DNAJC5: variants seen among roughly 807,000 people sequenced by gnomAD.
The protein encoded by DNAJC5 is dnaJ homolog subfamily C member 5.
Under a neutral mutation model 23.2 loss-of-function variants are expected in DNAJC5, and 1 was observed. The ratio of observed to expected loss-of-function variants is 0.04; its 90% confidence interval spans 0.02 to 0.20. The LOEUF (loss-of-function observed/expected upper bound fraction) is 0.20. Ranked by LOEUF, DNAJC5 falls within the 10% of genes least tolerant of loss-of-function variation. The pLI, the probability that DNAJC5 is intolerant of heterozygous loss-of-function variation, is 1.00. For synonymous variants in DNAJC5, 136 were observed against 120.0 expected, an observed-to-expected ratio of 1.13 and a Z score of -0.87; for missense variants, 180 against 267.0, an observed-to-expected ratio of 0.67 and a Z score of 2.27.
At position 63,929,603 on chromosome 20, in the gene DNAJC5, G is replaced by C. The variant is rs1180088235; in HGVS notation, c.321+78G>C. 13 of 1,468,610 alleles carry C rather than the reference G, an allele frequency of 8.9e-6. No individual in the cohort carries two copies. The highest frequency in any genetic ancestry group is 1.9e-6 in the Non-Finnish European group (2 of 1,070,534). The allele number at this position is 1,468,610 out of a possible 1,614,324, so 91.0% of individuals were successfully genotyped here. A position where few individuals can be genotyped will look rare whatever the true frequency, so the allele number is the denominator to read the frequency against. On this transcript the variant is annotated intron_variant, in intron 3 of 4. Coordinates refer to ENST00000360864, the MANE Select transcript of DNAJC5 (RefSeq NM_025219.3). This position sits in a 1 kb window ranked among gnomAD's most constrained non-coding sequence, Gnocchi z 8.6. ...GCACCCGAGTCTCTCCTGCCGTGCG[G>C]GCACCCGAGTCACTCCTGCCGTGCG...
In DNAJC5 at chr20:63,929,017, G is replaced by A. The variant is rs1600885162; in HGVS notation, c.108-295G>A. On this transcript the variant is annotated intron_variant, in intron 2 of 4. Coordinates refer to ENST00000360864, the MANE Select transcript of DNAJC5 (RefSeq NM_025219.3). The surrounding 1 kb of genome is among the most constrained non-coding windows in gnomAD (Gnocchi z 8.6). ...TTCACTTGGCACTTGTGCAGTTAGC[G>A]GCTGGGACACCAGGGCTGGCCTTGG... Among the ~76,000 whole-genome samples, 2 of 152,224 alleles carry A rather than the reference G, an allele frequency of 1.3e-5. No individual in the cohort carries two copies. The highest frequency in any genetic ancestry group is 4.8e-5 in the African/African-American group (2 of 41,452).
At chr20:63,898,773 A>G (rs989824488) in intron 1 of DNAJC5, among the ~76,000 whole-genome samples, 3 of 152,152 alleles carry the variant, frequency 2.0e-5, no homozygotes, top group Admixed American at 6.5e-5. Context: ...CCCGGGAGGC[A>G]GAGGTTGCAG....
At chr20:63,926,356 TTTG>T (rs1404725086) in intron 1 of DNAJC5, among the ~76,000 whole-genome samples, 1 of 152,236 alleles carries the variant, frequency 6.6e-6, no homozygotes, top group Admixed American at 6.5e-5. Flanking sequence ...CTCTTTTGGC[TTTG>T]TTGAAGTTAT....
intron 1 of DNAJC5, among the ~76,000 whole-genome samples, chr20:63,914,417 C>T (rs1198384321): frequency 1.3e-5 from 2 of 151,716 alleles, no homozygotes; most frequent in South Asian, 2.1e-4. Flanking sequence ...TGGGTTCACG[C>T]GATTCTCCCG....
rs1173002610 is a variant in DNAJC5 at position 63,932,533 on chromosome 20, CAG to C, written c.*970_*971del. On this transcript the variant is annotated 3_prime_UTR_variant, in exon 5 of 5. Transcript: ENST00000360864. The surrounding 1 kb of genome is among the most constrained non-coding windows in gnomAD (Gnocchi z 4.4). ...TAGGACCAGCCCAATGAGCCACAGT[CAG>C]AGAGTAGATTGTGCATGTGTGAGCA... 2.0e-5 allele frequency: 3 copies of C among 152,662 alleles called. No homozygotes were observed. The highest frequency in any genetic ancestry group is 4.1e-4 in the South Asian group (2 of 4,826). The allele number at this position is 152,662 out of a possible 1,614,324, so 9.5% of individuals were successfully genotyped here. A position where few individuals can be genotyped will look rare whatever the true frequency, so the allele number is the denominator to read the frequency against.
intron 1 of DNAJC5, among the ~76,000 whole-genome samples, chr20:63,916,566 G>A (rs1289555213): frequency 6.6e-6 from 1 of 152,218 alleles, no homozygotes. Flanking sequence ...TCTGTGTTCA[G>A]CGGTGCATGT....
At chr20:63,910,118 G>C (rs62218069) in intron 1 of DNAJC5, among the ~76,000 whole-genome samples, 3 of 152,178 alleles carry the variant, frequency 2.0e-5, no homozygotes, top group African/African-American at 7.2e-5. Context: ...GTTCCTGGGG[G>C]TGCTTGCTTG....
chr20:63,905,048 G>A (rs1345957261), intron 1 of DNAJC5, among the ~76,000 whole-genome samples: 3 of 149,012 alleles, frequency 2.0e-5, no homozygotes, highest in Non-Finnish European at 3.0e-5. Flanking sequence ...CAGGTGATCC[G>A]CCTGCCTCGG....
chr20:63,930,538 A>G (rs1248012335), intron 3 of DNAJC5, among the ~76,000 whole-genome samples: 4 of 152,156 alleles, frequency 2.6e-5, no homozygotes, highest in African/African-American at 9.7e-5. Context: ...TAGTAGAGAC[A>G]GGGTTTCACC....
In DNAJC5 at chr20:63,931,905, G is replaced by T; in HGVS notation, c.*337G>T. ...CAGGGCTGTCGGTCAGGTTGGTCCA[G>T]TGAGGGGTGACTGCAGCCGGTCAGG... On this transcript the variant is annotated 3_prime_UTR_variant, in exon 5 of 5. Coordinates refer to ENST00000360864, the MANE Select transcript of DNAJC5 (RefSeq NM_025219.3). This position sits in a 1 kb window ranked among gnomAD's most constrained non-coding sequence, Gnocchi z 9.6. The T allele has an allele frequency of 2.6e-6, 1 of 388,032 alleles. No homozygotes were observed. Among genetic ancestry groups the T allele is most frequent in the South Asian group, 2.2e-5 (1 of 46,360 alleles). 24.0% of individuals were successfully genotyped at this position (388,032 alleles called of 1,614,324 possible).
rs1413277076 is a variant in DNAJC5, at chr20:63,933,927, C to T, written c.*2359C>T. 1.3e-5 allele frequency: 2 copies of T among 152,548 alleles called. No homozygotes were observed. The highest frequency in any genetic ancestry group is 3.8e-4 in the East Asian group (2 of 5,324). The allele number at this position is 152,548 out of a possible 1,614,324, so 9.4% of individuals were successfully genotyped here. On this transcript the variant is annotated 3_prime_UTR_variant, in exon 5 of 5. Transcript: ENST00000360864. Reference sequence around the variant, plus strand: ...GAGTCCAGTGGACCATTTTGTAGAACCATGCAGCTCCCTGCGGAAGGTGGG... The same window carrying T: ...GAGTCCAGTGGACCATTTTGTAGAATCATGCAGCTCCCTGCGGAAGGTGGG...
At chr20:63,911,209 G>C (rs2053480924) in intron 1 of DNAJC5, among the ~76,000 whole-genome samples, 1 of 152,136 alleles carries the variant, frequency 6.6e-6, no homozygotes, top group African/African-American at 2.4e-5. Flanking sequence ...TGTGGGGTTT[G>C]GTTTTGTTTC....
chr20:63,913,465 C>T (rs538633138), intron 1 of DNAJC5, among the ~76,000 whole-genome samples: 2 of 151,046 alleles, frequency 1.3e-5, no homozygotes, highest in South Asian at 4.2e-4. Flanking sequence ...GGTGCGGTCT[C>T]AGCTCACTGC....
rs534025795 is a variant in DNAJC5, at chr20:63,928,061, C to T, written c.-11-274C>T. ...AACTCCTGGGCTCAAGCGGTCCTCC[C>T]GCCTCAGCCTCCCAAAATGCTGGGA... On this transcript the variant is annotated intron_variant, in intron 1 of 4. Coordinates refer to ENST00000360864, the MANE Select transcript of DNAJC5 (RefSeq NM_025219.3). The surrounding 1 kb of genome is among the most constrained non-coding windows in gnomAD (Gnocchi z 4.6). 7.0e-4 allele frequency among the ~76,000 whole-genome samples: 107 copies of T among 152,324 alleles called. No homozygotes were observed. Among genetic ancestry groups the T allele is most frequent in the African/African-American group, 2.5e-3 (104 of 41,572 alleles).
chr20:63,895,508 G>C (rs991943325), intron 1 of DNAJC5, among the ~76,000 whole-genome samples, 185 bp downstream of exon 1: 14 of 148,298 alleles, frequency 9.4e-5, no homozygotes, highest in Admixed American at 6.7e-4. Flanking sequence ...GCCGGGGCGG[G>C]GGCGCGGGAA....
intron 1 of DNAJC5, among the ~76,000 whole-genome samples, chr20:63,900,587 A>AAAAAAG (rs2053405413): frequency 6.6e-6 from 1 of 151,194 alleles, no homozygotes; most frequent in African/African-American, 2.4e-5. Context: ...AAAAAAAAAA[A>AAAAAAG]AAAAAAAAAA....
chr20:63,925,858 C>T (rs1249353234), intron 1 of DNAJC5, among the ~76,000 whole-genome samples: 8 of 137,984 alleles, frequency 5.8e-5, no homozygotes, highest in Middle Eastern at 4.7e-3. Context: ...GACGGAGTCT[C>T]GCTGTGTCGC....
At chr20:63,911,312 C>T (rs1189460815) in intron 1 of DNAJC5, among the ~76,000 whole-genome samples, 2 of 152,188 alleles carry the variant, frequency 1.3e-5, no homozygotes, top group Non-Finnish European at 2.9e-5. Flanking sequence ...GCAGTTGATC[C>T]TTCCTCAGGT....
intron 1 of DNAJC5, among the ~76,000 whole-genome samples, chr20:63,905,497 C>T (rs2053442516): frequency 6.6e-6 from 1 of 151,952 alleles, no homozygotes; most frequent in East Asian, 1.9e-4. Context: ...GCAGCCTTCA[C>T]CTCTGGGCTC....
Sources: gnomAD v4.1 joint callset for allele counts (sites outside exome capture counted in the v4.1 genomes callset) on GRCh38, gnomAD v4.1.1 for gene constraint, Gnocchi (gnomAD v3.1) non-coding constraint, MANE v1.5 for transcripts, NCBI Gene and HGNC (gene_info 2026-07-23, HGNC 2026-07-21) for gene names.